The following CLEC16A variants were observed in gnomAD, a reference collection of about 807,000 sequenced individuals.
CLEC16A encodes the protein C-type lectin domain containing 16A, also known as protein CLEC16A.
In CLEC16A, 51 loss-of-function variants were observed where a neutral mutation model predicts 109.5. That is an observed-to-expected ratio of 0.47 (90% CI 0.37 to 0.59). CLEC16A has a LOEUF of 0.59. CLEC16A is among the 20% of genes least tolerant of loss of function. The pLI is 0.00. For synonymous variants in CLEC16A, 673 were observed against 564.2 expected, an observed-to-expected ratio of 1.19 and a Z score of -2.73; for missense variants, 1,339 against 1,394.0, an observed-to-expected ratio of 0.96 and a Z score of 0.63.
chr16:11,142,819 T>A (rs1322648971), intron 22 of CLEC16A, among the ~76,000 whole-genome samples: 1 of 152,206 alleles, frequency 6.6e-6, no homozygotes, highest in Non-Finnish European at 1.5e-5. Context: ...TAAACTTTTT[T>A]ATTTTTTTGG....
At chr16:10,953,536 G>A (rs866364368) in intron 1 of CLEC16A, among the ~76,000 whole-genome samples, 34 of 152,130 alleles carry the variant, frequency 2.2e-4, no homozygotes, top group African/African-American at 7.7e-4. Context: ...TTAAAATTAA[G>A]AACCTCTACT....
At chr16:11,034,961 A>T (rs1408670516) in intron 13 of CLEC16A, among the ~76,000 whole-genome samples, 1 of 152,078 alleles carries the variant, frequency 6.6e-6, no homozygotes, top group East Asian at 1.9e-4. Flanking sequence ...GTCCTTGCAC[A>T]CAGGAGCCGT....
chr16:11,005,019 C>A (rs147038558), intron 11 of CLEC16A, among the ~76,000 whole-genome samples: 8 of 152,280 alleles, frequency 5.3e-5, no homozygotes, highest in African/African-American at 1.9e-4. Flanking sequence ...TGTTCTGTTG[C>A]CACACTGGGG....
At chr16:10,950,770 C>G (rs760622759) in intron 1 of CLEC16A, among the ~76,000 whole-genome samples, 2 of 152,210 alleles carry the variant, frequency 1.3e-5, no homozygotes, top group Admixed American at 6.5e-5. Flanking sequence ...TCTGTGTCTC[C>G]CATCCCTCTA....
intron 19 of CLEC16A, among the ~76,000 whole-genome samples, chr16:11,107,498 G>T (rs553783998): frequency 6.6e-6 from 1 of 152,382 alleles, no homozygotes; most frequent in Non-Finnish European, 1.5e-5. Context: ...TGATTTGACT[G>T]TCAGGAGAAG....
At chr16:10,984,267 G>A (rs1418148662) in intron 10 of CLEC16A, among the ~76,000 whole-genome samples, 1 of 152,148 alleles carries the variant, frequency 6.6e-6, no homozygotes, top group Non-Finnish European at 1.5e-5. Context: ...AGGTCATTTT[G>A]TTATTCAGGG....
rs374378833 is a variant in CLEC16A at position 10,973,069 on chromosome 16, A to G, written c.728+8A>G. 1.2e-5 allele frequency: 19 copies of G among 1,597,784 alleles called. No homozygotes were observed. The African/African-American group carries it at 2.2e-4, about 18-fold the overall frequency. On this transcript the variant is annotated splice_region_variant and intron_variant, in intron 7 of 23. Coordinates refer to ENST00000409790, the MANE Select transcript of CLEC16A (RefSeq NM_015226.3). ...CGTGCAGACTGATGAGGAGTAAGTG[A>G]CACCCCCAGGGCCACTCAGTAGATA...
At chr16:11,149,028 A>G (rs1245670598) in intron 22 of CLEC16A, among the ~76,000 whole-genome samples, 1 of 152,242 alleles carries the variant, frequency 6.6e-6, no homozygotes, top group Non-Finnish European at 1.5e-5. Context: ...ACTCCCAAAA[A>G]GCAATCAAAG....
chr16:11,062,896 G>T (rs1239572476), intron 19 of CLEC16A, among the ~76,000 whole-genome samples: 3 of 151,742 alleles, frequency 2.0e-5, no homozygotes, highest in Admixed American at 2.0e-4. Context: ...GCTTTGGGGG[G>T]GTGGGGGAGG....
intron 3 of CLEC16A, among the ~76,000 whole-genome samples, chr16:10,966,945 G>A (rs1186598995): frequency 6.6e-6 from 1 of 152,096 alleles, no homozygotes; most frequent in African/African-American, 2.4e-5. Flanking sequence ...GTCCACTTAG[G>A]ATTTGTGATA....
intron 19 of CLEC16A, among the ~76,000 whole-genome samples, chr16:11,075,681 C>G (rs2049330159): frequency 6.6e-6 from 1 of 152,058 alleles, no homozygotes; most frequent in Admixed American, 6.6e-5. Flanking sequence ...AAGCGGTCCT[C>G]TTGCCTCAGC....
At chr16:11,170,599 C>T (rs2068468933) in intron 23 of CLEC16A, among the ~76,000 whole-genome samples, 1 of 152,208 alleles carries the variant, frequency 6.6e-6, no homozygotes, top group Non-Finnish European at 1.5e-5. Context: ...GAGATCTCTC[C>T]ACCCGCCCGG....
intron 13 of CLEC16A, among the ~76,000 whole-genome samples, chr16:11,033,343 C>A (rs984337041): frequency 1.3e-5 from 2 of 152,148 alleles, no homozygotes; most frequent in African/African-American, 4.8e-5. Context: ...TTCCTGACTC[C>A]TTTCCCTGTG....
intron 1 of CLEC16A, among the ~76,000 whole-genome samples, chr16:10,951,843 A>T (rs955374913): frequency 6.6e-6 from 1 of 152,274 alleles, no homozygotes. Context: ...AGATGGTCAT[A>T]GCAACATTGT....
At chr16:11,010,536 A>G (rs75017264) in intron 11 of CLEC16A, among the ~76,000 whole-genome samples, 1 of 151,976 alleles carries the variant, frequency 6.6e-6, no homozygotes, top group African/African-American at 2.4e-5. Flanking sequence ...TTACTTTCCT[A>G]TTGTATTTTC....
In CLEC16A at chr16:10,961,643, A is replaced by T. The variant is rs2042253273; in HGVS notation, c.210-812A>T. Among the ~76,000 whole-genome samples the T allele has an allele frequency of 6.6e-6, 1 of 152,238 alleles. No individual in the cohort carries two copies. Among genetic ancestry groups the T allele is most frequent in the South Asian group, 2.1e-4 (1 of 4,832 alleles). ...TCCTATCCACAAGGAGAAAGGCAGA[A>T]ACAGACCTGGGGATGGGTTAGTAGG... On this transcript the variant is annotated intron_variant, in intron 2 of 23. Coordinates refer to ENST00000409790, the MANE Select transcript of CLEC16A (RefSeq NM_015226.3). The surrounding 1 kb of genome is among the most constrained non-coding windows in gnomAD (Gnocchi z 4.3).
At chr16:11,008,069 C>T (rs539753770) in intron 11 of CLEC16A, among the ~76,000 whole-genome samples, 9 of 152,262 alleles carry the variant, frequency 5.9e-5, no homozygotes, top group South Asian at 2.1e-4. Context: ...GAGCACTTAG[C>T]GCACACACTC....
At chr16:11,126,304 A>G (rs768772603) in intron 22 of CLEC16A, 158 bp downstream of exon 22, 38 of 1,519,350 alleles carry the variant, frequency 2.5e-5, no homozygotes, top group Non-Finnish European at 3.3e-5. Context: ...ACAGCGCAAG[A>G]TTAAACACAG....
At chr16:10,983,996 G>A (rs1292829742) in intron 10 of CLEC16A, among the ~76,000 whole-genome samples, 3 of 151,504 alleles carry the variant, frequency 2.0e-5, no homozygotes, top group Non-Finnish European at 4.4e-5. Flanking sequence ...CCTGCCATAA[G>A]GAGCTTAGAG....
Sources: gnomAD v4.1 joint callset for allele counts (sites outside exome capture counted in the v4.1 genomes callset) on GRCh38, gnomAD v4.1.1 for gene constraint, Gnocchi (gnomAD v3.1) non-coding constraint, MANE v1.5 for transcripts, NCBI Gene and HGNC (gene_info 2026-07-23, HGNC 2026-07-21) for gene names.